C1orf21: variants seen among roughly 807,000 people sequenced by gnomAD.
The protein encoded by C1orf21 is uncharacterized protein C1orf21.
In C1orf21, 3 loss-of-function variants were observed where a neutral mutation model predicts 18.7. The observed-to-expected ratio is 0.16, with a 90% CI of 0.07 to 0.42. The LOEUF is 0.42. Ranked by LOEUF, C1orf21 falls within the 10% of genes least tolerant of loss-of-function variation. The pLI, the probability that C1orf21 is intolerant of heterozygous loss-of-function variation, is 0.99. For missense variants in C1orf21, 104 were observed against 143.6 expected (o/e 0.72, Z 1.41); for synonymous variants, 41 against 46.4 (o/e 0.88, Z 0.47).
At chr1:184,489,671 G>A (rs1430620234) in intron 2 of C1orf21, among the ~76,000 whole-genome samples, 1 of 152,110 alleles carries the variant, frequency 6.6e-6, no homozygotes, top group Admixed American at 6.5e-5. Context: ...TAGAGATCAA[G>A]GTATTCTATA....
intron 2 of C1orf21, among the ~76,000 whole-genome samples, chr1:184,498,083 A>T (rs1209211830): frequency 1.3e-5 from 2 of 151,964 alleles, no homozygotes; most frequent in Non-Finnish European, 2.9e-5. Flanking sequence ...GCTCTTTCCG[A>T]TGTCAATCCA....
chr1:184,503,077 CAAAAA>C (rs199599189), intron 2 of C1orf21, among the ~76,000 whole-genome samples: 5 of 61,642 alleles, frequency 8.1e-5, no homozygotes, highest in African/African-American at 3.4e-4. Flanking sequence ...GAAACTGTCT[CAAAAA>C]AAAAAAAAAA....
chr1:184,463,282 A>T (rs759378730), intron 1 of C1orf21, among the ~76,000 whole-genome samples: 2 of 151,910 alleles, frequency 1.3e-5, no homozygotes, highest in Non-Finnish European at 2.9e-5. Flanking sequence ...AGTCTAGGGT[A>T]TATCTTTTTC....
In C1orf21 at chr1:184,469,644, A is replaced by C. The variant is rs550916970; in HGVS notation, c.-124-7742A>C. Among the ~76,000 whole-genome samples, 6 of 152,342 alleles carry C rather than the reference A, an allele frequency of 3.9e-5. No homozygotes were observed. In the East Asian group the frequency reaches 1.2e-3, roughly 29 times the overall value. ...TGGTGTTAGGGAGGATCAGCAGCTC[A>C]GACTGATAGGACATCTGTTTCACTA... On this transcript the variant is annotated intron_variant, in intron 1 of 5. Coordinates refer to ENST00000235307, the MANE Select transcript of C1orf21 (RefSeq NM_030806.4).
At chr1:184,404,944 A>G (rs1308386424) in intron 1 of C1orf21, among the ~76,000 whole-genome samples, 1 of 152,118 alleles carries the variant, frequency 6.6e-6, no homozygotes, top group African/African-American at 2.4e-5. Flanking sequence ...ACAGATTTCC[A>G]TCCTCAAGAT....
At chr1:184,478,141 G>A (rs1557982471) in intron 2 of C1orf21, among the ~76,000 whole-genome samples, 1 of 152,168 alleles carries the variant, frequency 6.6e-6, no homozygotes, top group African/African-American at 2.4e-5. Flanking sequence ...TGGCCATGGG[G>A]TGTCCTAGTA....
intron 3 of C1orf21, among the ~76,000 whole-genome samples, chr1:184,560,754 C>T (rs1359268574): frequency 6.6e-6 from 1 of 152,172 alleles, no homozygotes; most frequent in Non-Finnish European, 1.5e-5. Flanking sequence ...GCATGATCCC[C>T]AGCTTACCAC....
At chr1:184,457,230 G>A (rs1472510173) in intron 1 of C1orf21, among the ~76,000 whole-genome samples, 1 of 152,164 alleles carries the variant, frequency 6.6e-6, no homozygotes, top group Non-Finnish European at 1.5e-5. Flanking sequence ...AATTGCATCC[G>A]TTATCTTGAA....
At chr1:184,588,312 A>C (rs1027401349) in intron 3 of C1orf21, among the ~76,000 whole-genome samples, 6 of 152,222 alleles carry the variant, frequency 3.9e-5, no homozygotes, top group Non-Finnish European at 8.8e-5. Context: ...ATTCACTACC[A>C]TGAGCTTGAC....
intron 5 of C1orf21, among the ~76,000 whole-genome samples, chr1:184,609,251 A>G (rs1308211305): frequency 1.3e-5 from 2 of 152,206 alleles, no homozygotes; most frequent in African/African-American, 4.8e-5. Context: ...GTGTGAGGCA[A>G]GGGACTAATG....
intron 3 of C1orf21, among the ~76,000 whole-genome samples, chr1:184,511,463 C>T (rs896024734): frequency 6.6e-6 from 1 of 152,140 alleles, no homozygotes; most frequent in Non-Finnish European, 1.5e-5. Context: ...GTAGAACATT[C>T]ATGTGGAAAA....
At chr1:184,529,719 A>G (rs1441957731) in intron 3 of C1orf21, among the ~76,000 whole-genome samples, 1 of 152,192 alleles carries the variant, frequency 6.6e-6, no homozygotes, top group Non-Finnish European at 1.5e-5. Flanking sequence ...GGTGGGAGGA[A>G]AATCAGAAGA....
intron 1 of C1orf21, among the ~76,000 whole-genome samples, chr1:184,421,755 T>A (rs1332068642): frequency 6.6e-6 from 1 of 152,162 alleles, no homozygotes; most frequent in Non-Finnish European, 1.5e-5. Flanking sequence ...TTCAAGATGA[T>A]GAGTTAGGAT....
chr1:184,471,582 G>A (rs1657497504), intron 1 of C1orf21, among the ~76,000 whole-genome samples: 1 of 152,102 alleles, frequency 6.6e-6, no homozygotes. Flanking sequence ...TGTGACAGCT[G>A]GGACCAGAGC....
intron 2 of C1orf21, among the ~76,000 whole-genome samples, chr1:184,478,251 G>A (rs1283297279): frequency 6.6e-6 from 1 of 151,928 alleles, no homozygotes; most frequent in Non-Finnish European, 1.5e-5. Flanking sequence ...GTAATAGAGA[G>A]TGAATTATAC....
intron 3 of C1orf21, among the ~76,000 whole-genome samples, chr1:184,582,529 T>A (rs1035906071): frequency 5.3e-5 from 8 of 152,324 alleles, no homozygotes; most frequent in African/African-American, 1.9e-4. Context: ...TCCCCACTAC[T>A]TTTCTCTAGG....
intron 3 of C1orf21, among the ~76,000 whole-genome samples, chr1:184,569,457 T>C (rs1206795621): frequency 2.6e-5 from 4 of 152,236 alleles, no homozygotes; most frequent in Non-Finnish European, 5.9e-5. Context: ...AGGCTGAACG[T>C]TGGAAGGTTA....
intron 3 of C1orf21, among the ~76,000 whole-genome samples, chr1:184,565,240 G>A (rs2101987591): frequency 6.6e-6 from 1 of 152,264 alleles, no homozygotes; most frequent in East Asian, 1.9e-4. Flanking sequence ...TTATTCATGA[G>A]GATAATTAAT....
rs543599824 is a variant in C1orf21 at position 184,622,907 on chromosome 1, A to G, written c.*3351A>G. The G allele has an allele frequency of 3.6e-3, 557 of 152,772 alleles. 3 individuals are homozygous for G. Among genetic ancestry groups the G allele is most frequent in the African/African-American group, 0.013 (531 of 41,600 alleles). 9.5% of individuals were successfully genotyped at this position (152,772 alleles called of 1,614,324 possible). A position where few individuals can be genotyped will look rare whatever the true frequency, so the allele number is the denominator to read the frequency against. On this transcript the variant is annotated 3_prime_UTR_variant, in exon 6 of 6. Transcript: ENST00000235307. ...CCACGCCCACAATCCGACAGCCCCCAGGAGCAGGTCCAGGGATGATGCAGC... is the reference window on the plus strand; with the variant it reads ...CCACGCCCACAATCCGACAGCCCCCGGGAGCAGGTCCAGGGATGATGCAGC...
Sources: gnomAD v4.1 joint callset for allele counts (sites outside exome capture counted in the v4.1 genomes callset) on GRCh38, gnomAD v4.1.1 for gene constraint, MANE v1.5 for transcripts, NCBI Gene and HGNC (gene_info 2026-07-23, HGNC 2026-07-21) for gene names.